KCNH1: variants seen among roughly 807,000 people sequenced by gnomAD.
KCNH1 encodes voltage-gated delayed rectifier potassium channel KCNH1.
In KCNH1, 27 loss-of-function variants were observed where a neutral mutation model predicts 69.2. That is an observed-to-expected ratio of 0.39 (90% CI 0.29 to 0.54). KCNH1 has a LOEUF of 0.54. Ranked by LOEUF, KCNH1 falls within the 20% of genes least tolerant of loss-of-function variation. The pLI is 0.68. For missense variants in KCNH1, 798 were observed against 1,261.6 expected, an observed-to-expected ratio of 0.63 and a Z score of 5.57; for synonymous variants, 456 against 487.7, an observed-to-expected ratio of 0.93 and a Z score of 0.86.
chr1:210,793,009 T>A (rs1468430574), intron 9 of KCNH1, among the ~76,000 whole-genome samples: 1 of 152,238 alleles, frequency 6.6e-6, no homozygotes. Context: ...CTTTTAATAC[T>A]GATTTCTATA....
chr1:210,977,465 C>CT (rs1427279607), intron 6 of KCNH1, among the ~76,000 whole-genome samples: 1 of 151,884 alleles, frequency 6.6e-6, no homozygotes, highest in Admixed American at 6.6e-5. Flanking sequence ...AACCGTACAC[C>CT]TTTTGTCCAA....
chr1:210,710,870 A>C (rs1162790822), intron 10 of KCNH1, among the ~76,000 whole-genome samples: 1 of 152,176 alleles, frequency 6.6e-6, no homozygotes, highest in Non-Finnish European at 1.5e-5. Flanking sequence ...CATCTAATCC[A>C]GGCCAGCCCA....
chr1:210,706,903 T>TATCA (rs1681926933), intron 10 of KCNH1, among the ~76,000 whole-genome samples: 1 of 152,234 alleles, frequency 6.6e-6, no homozygotes, highest in Non-Finnish European at 1.5e-5. Context: ...GCTTTCTCTC[T>TATCA]ATCATCTCAC....
chr1:210,734,344 T>G (rs1255382959), intron 10 of KCNH1, among the ~76,000 whole-genome samples: 2 of 152,098 alleles, frequency 1.3e-5, no homozygotes, highest in Non-Finnish European at 2.9e-5. Flanking sequence ...GTCTCTTCTT[T>G]GGGAGTCACA....
At chr1:211,130,107 A>C (rs1314509488) in intron 1 of KCNH1, among the ~76,000 whole-genome samples, 1 of 152,254 alleles carries the variant, frequency 6.6e-6, no homozygotes, top group Non-Finnish European at 1.5e-5. Context: ...AACTATCAAA[A>C]AATATTCTGT....
chr1:211,117,168 G>T (rs764794987), intron 1 of KCNH1, among the ~76,000 whole-genome samples: 25 of 152,248 alleles, frequency 1.6e-4, no homozygotes, highest in Middle Eastern at 3.4e-3. Context: ...TCTTTTCACT[G>T]TCTTTCTTTT....
intron 10 of KCNH1, among the ~76,000 whole-genome samples, chr1:210,730,619 A>G (rs1169934266): frequency 1.7e-5 from 1 of 60,414 alleles, no homozygotes; most frequent in Non-Finnish European, 3.0e-5. Context: ...GAGTCTTACT[A>G]TTTTGTGGGA....
At chr1:210,985,365 T>C (rs994794629) in intron 6 of KCNH1, among the ~76,000 whole-genome samples, 37 of 152,324 alleles carry the variant, frequency 2.4e-4, no homozygotes, top group African/African-American at 8.9e-4. Flanking sequence ...GTTCTTTTAA[T>C]TGTGATGTCA....
chr1:210,784,158 C>G (rs1684047920), intron 9 of KCNH1, among the ~76,000 whole-genome samples: 1 of 152,220 alleles, frequency 6.6e-6, no homozygotes, highest in African/African-American at 2.4e-5. Context: ...GTGCCTCACC[C>G]CAATGGTGCT....
At chr1:210,708,248 T>C (rs901160891) in intron 10 of KCNH1, among the ~76,000 whole-genome samples, 1 of 152,136 alleles carries the variant, frequency 6.6e-6, no homozygotes, top group African/African-American at 2.4e-5. Flanking sequence ...AGACTTTCTC[T>C]ATTGCAAAGG....
chr1:210,739,275 G>A (rs1338325152), intron 10 of KCNH1, among the ~76,000 whole-genome samples: 1 of 152,194 alleles, frequency 6.6e-6, no homozygotes, highest in African/African-American at 2.4e-5. Context: ...GAGTCCAGAC[G>A]TTAGAGCTTG....
intron 9 of KCNH1, 32 bp from the exon 10 acceptor site, chr1:210,775,576 T>C: frequency 2.5e-6 from 4 of 1,586,280 alleles, no homozygotes; most frequent in Non-Finnish European, 1.7e-6. Context: ...GAGGAAAGTG[T>C]TGGCCAGGAG....
At chr1:210,922,218 A>G (rs2102564673) in intron 6 of KCNH1, among the ~76,000 whole-genome samples, 1 of 151,898 alleles carries the variant, frequency 6.6e-6, no homozygotes, top group East Asian at 1.9e-4. Flanking sequence ...TGTCTCCACT[A>G]AAAATACAAA....
chr1:210,948,673 CA>C (rs995236202), intron 6 of KCNH1, among the ~76,000 whole-genome samples: 2 of 150,362 alleles, frequency 1.3e-5, no homozygotes, highest in Non-Finnish European at 3.0e-5. Context: ...ACTAAAAATA[CA>C]AAAAAAAATT....
chr1:210,984,294 G>C (rs1429844033), intron 6 of KCNH1, among the ~76,000 whole-genome samples: 1 of 152,106 alleles, frequency 6.6e-6, no homozygotes. Context: ...GCCCTGGCCA[G>C]AACTTCCAAC....
chr1:211,008,916 A>C (rs898717975), intron 6 of KCNH1, among the ~76,000 whole-genome samples: 2 of 152,236 alleles, frequency 1.3e-5, no homozygotes, highest in Non-Finnish European at 2.9e-5. Context: ...AAAACAGTAA[A>C]AGGATAGAAA....
At chr1:210,761,555 C>T (rs1230956032) in intron 10 of KCNH1, among the ~76,000 whole-genome samples, 1 of 152,132 alleles carries the variant, frequency 6.6e-6, no homozygotes. Flanking sequence ...AAAAGATCTA[C>T]TGCACAAATG....
At chr1:210,949,199 C>G (rs1688018085) in intron 6 of KCNH1, among the ~76,000 whole-genome samples, 1 of 152,172 alleles carries the variant, frequency 6.6e-6, no homozygotes, top group South Asian at 2.1e-4. Context: ...TCAAAACCGA[C>G]CAACCTCAGA....
chr1:210,852,589 A>G (rs1685729733), intron 7 of KCNH1, among the ~76,000 whole-genome samples: 1 of 152,180 alleles, frequency 6.6e-6, no homozygotes, highest in Non-Finnish European at 1.5e-5. Flanking sequence ...CACAAAATAA[A>G]CAAAACGCCT....
Sources: gnomAD v4.1 joint callset for allele counts (sites outside exome capture counted in the v4.1 genomes callset) on GRCh38, gnomAD v4.1.1 for gene constraint, MANE v1.5 for transcripts, NCBI Gene and HGNC (gene_info 2026-07-23, HGNC 2026-07-21) for gene names.